TFE3: variants seen among roughly 807,000 people sequenced by gnomAD.
TFE3 encodes transcription factor binding to IGHM enhancer 3.
A neutral mutation model predicts 35.0 loss-of-function variants in TFE3; 5 were observed. The ratio of observed to expected loss-of-function variants is 0.14; its 90% CI spans 0.07 to 0.30. TFE3 has a LOEUF of 0.30. Among genes scored for constraint, TFE3 ranks in the 10% least tolerant of loss-of-function variants. The pLI is 1.00. For synonymous variants in TFE3, 211 were observed against 215.6 expected (o/e 0.98, Z 0.18); for missense variants, 374 against 496.6 (o/e 0.75, Z 2.35).
chrX:49,028,748 C>G lies in TFE3; in HGVS notation c.*1410G>C, dbSNP rs2064681222. ...CTCTTTGCCAAAGTTAAAAGCGCAT[C>G]AAACACGCCTAGCTTTTATTATTTT... is the stretch of plus-strand genomic sequence containing the variant. On this transcript the variant is annotated 3_prime_UTR_variant, in exon 10 of 10. Coordinates refer to ENST00000315869, the MANE Select transcript of TFE3 (RefSeq NM_006521.6). 1 of 161,950 alleles carries G rather than the reference C, an allele frequency of 6.2e-6. No individual in the cohort carries two copies. The highest frequency in any genetic ancestry group is 3.2e-4 in the South Asian group (1 of 3,157). The allele number at this position is 161,950 out of a possible 1,213,427, so 13.3% of individuals were successfully genotyped here.
rs782177459 is a variant in TFE3 at position 49,029,992 on chromosome X, C to A, written c.*166G>T. Reference sequence around the variant, plus strand: ...GGAAGGTGCAGGGCCTCATCTGACTCCTCCTCCTTGCCTGATTACAGGGGT... The same window carrying A: ...GGAAGGTGCAGGGCCTCATCTGACTACTCCTCCTTGCCTGATTACAGGGGT... On this transcript the variant is annotated 3_prime_UTR_variant, in exon 10 of 10. Coordinates refer to ENST00000315869, the MANE Select transcript of TFE3 (RefSeq NM_006521.6). 3.7e-5 allele frequency: 21 copies of A among 564,354 alleles called. No homozygotes were observed. The African/African-American group carries it at 4.4e-4, about 12-fold the overall frequency. The allele number at this position is 564,354 out of a possible 1,213,427, so 46.5% of individuals were successfully genotyped here.
rs139889590 is a variant in TFE3, at chrX:49,030,576, T to C, written c.1310A>G (p.His437Arg). ...IQELELQAQI[H>R]GLPVPPTPGL... ...TGGAGTGGGAGGTACTGGCAGGCCA[T>C]GGATCTGGGCCTGCAGTTCTAGTTC... Residue 437 changes from histidine to arginine, a missense_variant, in exon 10 of 10, where the codon CAT becomes CGT. Physicochemically the swap from His to Arg is conservative, Grantham distance 29. Transcript: ENST00000315869. The C allele has an allele frequency of 5.5e-5, 67 of 1,207,905 alleles. No homozygotes were observed. The highest frequency in any genetic ancestry group is 1.9e-5 in the Non-Finnish European group (17 of 894,093).
chrX:49,042,123 A>G (rs1211333548), intron 1 of TFE3, among the ~76,000 whole-genome samples: 2 of 111,865 alleles, frequency 1.8e-5, no homozygotes, highest in African/African-American at 6.5e-5. Context: ...GATGAAAGTA[A>G]GGATGAGAAG....
At chrX:49,041,576 C>G (rs191538163) in intron 1 of TFE3, among the ~76,000 whole-genome samples, 4 of 111,161 alleles carry the variant, frequency 3.6e-5, no homozygotes, top group African/African-American at 6.6e-5. Flanking sequence ...ACCGGAGGAG[C>G]CTGCCCAGCC....
rs782079245 is a variant in TFE3, at chrX:49,029,717, C to T, written c.*441G>A. ...ACTTGACTCCTCTTCTGTGCCAGGACGGACTAGACTGGTGGTTCCAAGACA... is the reference window on the plus strand; with the variant it reads ...ACTTGACTCCTCTTCTGTGCCAGGATGGACTAGACTGGTGGTTCCAAGACA... On this transcript the variant is annotated 3_prime_UTR_variant, in exon 10 of 10. Transcript: ENST00000315869. 9.1e-5 allele frequency: 40 copies of T among 439,077 alleles called. No individual in the cohort carries two copies. The highest frequency in any genetic ancestry group is 7.3e-4 in the East Asian group (16 of 22,053). 36.2% of individuals were successfully genotyped at this position (439,077 alleles called of 1,213,427 possible).
intron 6 of TFE3, 144 bp downstream of exon 6, chrX:49,033,990 C>T (rs782816369): frequency 3.3e-6 from 2 of 614,282 alleles, no homozygotes; most frequent in East Asian, 7.1e-5. Context: ...GACCACAAGC[C>T]ATAGGGGGAA....
chrX:49,040,314 T>C (rs1557075512), intron 2 of TFE3, 141 bp downstream of exon 2: 1 of 417,693 alleles, frequency 2.4e-6, no homozygotes, highest in African/African-American at 3.3e-5. Flanking sequence ...ACATGCTCTT[T>C]CTGGTCCCTA....
intron 1 of TFE3, 83 bp from the exon 2 acceptor site, chrX:49,040,651 G>C: frequency 1.5e-6 from 1 of 645,195 alleles, no homozygotes; most frequent in Non-Finnish European, 2.5e-6. Context: ...GAAAGAGAGA[G>C]AGAGGGGGGG....
At chrX:49,040,664 A>T in intron 1 of TFE3, 96 bp from the exon 2 acceptor site, 1 of 595,102 alleles carries the variant, frequency 1.7e-6, no homozygotes, top group Non-Finnish European at 2.8e-6. Flanking sequence ...AGGGGGGGAG[A>T]ACGAAGAGGA....
chrX:49,033,921 A>G, intron 6 of TFE3, 139 bp from the exon 7 acceptor site: 1 of 748,851 alleles, frequency 1.3e-6, no homozygotes, highest in Non-Finnish European at 2.0e-6. Flanking sequence ...ATTTTAAGCC[A>G]TGGTGATAGG....
In TFE3 at chrX:49,029,224, CAGGA is replaced by C; in HGVS notation, c.*930_*933del. ...CCAAACTGCCCCTCAAGGAAGAAGG[CAGGA>C]CTCTGCCCAAGGGTGGGGGCCTCTC... On this transcript the variant is annotated 3_prime_UTR_variant, in exon 10 of 10. Transcript: ENST00000315869. 1 of 177,961 alleles carries C rather than the reference CAGGA, an allele frequency of 5.6e-6. No individual in the cohort carries two copies. The highest frequency in any genetic ancestry group is 1.1e-5 in the Non-Finnish European group (1 of 92,652). The allele number at this position is 177,961 out of a possible 1,213,427, so 14.7% of individuals were successfully genotyped here.
chrX:49,031,353 A>C lies in TFE3; in HGVS notation c.1284+44T>G, dbSNP rs367989667. ...CTCTCTCTCTGCCTCCACCTGCAGG[A>C]AGCTCTCCCCCTCTTCCCCCACCAC... is the stretch of plus-strand genomic sequence containing the variant. On this transcript the variant is annotated intron_variant, in intron 9 of 9. Coordinates refer to ENST00000315869, the MANE Select transcript of TFE3 (RefSeq NM_006521.6). 4 of 1,146,284 alleles carry C rather than the reference A, an allele frequency of 3.5e-6. No homozygotes were observed. In the African/African-American group the frequency reaches 7.3e-5, roughly 21 times the overall value. The allele number at this position is 1,146,284 out of a possible 1,213,427, so 94.5% of individuals were successfully genotyped here. A position where few individuals can be genotyped will look rare whatever the true frequency, so the allele number is the denominator to read the frequency against.
intron 1 of TFE3, 42 bp downstream of exon 1, chrX:49,043,069 G>T: frequency 9.3e-7 from 1 of 1,071,634 alleles, no homozygotes; most frequent in Non-Finnish European, 1.2e-6. Flanking sequence ...TCAGGCCCCT[G>T]GGAGCCCCAG....
chrX:49,031,464 G>T lies in TFE3; in HGVS notation c.1217C>A (p.Ser406Tyr). 1.7e-6 allele frequency: 2 copies of T among 1,203,989 alleles called. No individual in the cohort carries two copies. The highest frequency in any genetic ancestry group is 2.2e-6 in the Non-Finnish European group (2 of 891,562). ...TCGCTGCCGGCTCTCCAGGTCTTTG[G>T]AGCGCTGCTGCTCCTTCTGCAGCTT... Reference protein sequence around the residue: ...IRKLQKEQQRSKDLESRQRSL... With the variant: ...IRKLQKEQQRYKDLESRQRSL... Residue 406 changes from serine to tyrosine, a missense_variant, in exon 9 of 10, where the codon TCC becomes TAC. Around this residue, in one of 3 missense-constraint regions of TFE3, gnomAD observed 167 missense variants for 297.2 expected, o/e 0.56. Coordinates refer to ENST00000315869, the MANE Select transcript of TFE3 (RefSeq NM_006521.6).
chrX:49,040,603 A>C, intron 1 of TFE3, 35 bp from the exon 2 acceptor site: 1 of 995,782 alleles, frequency 1.0e-6, no homozygotes, highest in Non-Finnish European at 1.4e-6. Flanking sequence ...CAGTGATTGA[A>C]TGAAGGACCT....
rs1557075321 is a variant in TFE3, at chrX:49,039,283, G to A, written c.358C>T (p.Leu120=). Residue 120 remains leucine, a synonymous_variant, in exon 3 of 10, where the codon CTA becomes TTA. Transcript: ENST00000315869. The part of the protein sequence containing the change: ...SSSRVLLRQQ[L]MRAQAQEQER... Reference sequence around the variant, plus strand: ...TGCTCCTGCGCCTGGGCCCGCATTAGCTGCTGCCGCAGCAAGACCCTCGAT... The same window carrying A: ...TGCTCCTGCGCCTGGGCCCGCATTAACTGCTGCCGCAGCAAGACCCTCGAT... The A allele has an allele frequency of 4.1e-6, 5 of 1,207,634 alleles. No homozygotes were observed. The South Asian group carries it at 8.9e-5, about 21-fold the overall frequency.
At chrX:49,036,336 G>A (rs782311116) in intron 5 of TFE3, among the ~76,000 whole-genome samples, 3 of 106,256 alleles carry the variant, frequency 2.8e-5, no homozygotes, top group Non-Finnish European at 5.8e-5. Context: ...GCGTGCTGGC[G>A]GGCACCTGTA....
intron 9 of TFE3, among the ~76,000 whole-genome samples, chrX:49,030,980 G>C (rs1457904455): frequency 9.0e-6 from 1 of 110,915 alleles, no homozygotes; most frequent in Non-Finnish European, 1.9e-5. Context: ...AGCTACTCAG[G>C]AGGCTGAGAC....
chrX:49,030,109 G>T lies in TFE3; in HGVS notation c.*49C>A, dbSNP rs1282775878. The T allele has an allele frequency of 3.5e-6, 4 of 1,159,313 alleles. No individual in the cohort carries two copies. In the East Asian group the frequency reaches 1.2e-4, roughly 35 times the overall value. On this transcript the variant is annotated 3_prime_UTR_variant, in exon 10 of 10. Coordinates refer to ENST00000315869, the MANE Select transcript of TFE3 (RefSeq NM_006521.6). ...GAAAAGGCGGGGCCTCATCCTGACT[G>T]GTCCTCCTTTCCTGGGTGGGAAAGT...
Sources: allele counts gnomAD v4.1 joint callset (sites outside exome capture counted in the v4.1 genomes callset), GRCh38; gene constraint gnomAD v4.1.1; regional missense constraint gnomAD v4.1.1; transcripts MANE v1.5; gene names NCBI Gene and HGNC (gene_info 2026-07-23, HGNC 2026-07-21).